The following LARGE1 variants were observed in gnomAD, a reference collection of about 807,000 sequenced individuals.
LARGE1 encodes xylosyl- and glucuronyltransferase LARGE1.
A neutral mutation model predicts 87.6 loss-of-function variants in LARGE1; 43 were observed. The ratio of observed to expected loss-of-function variants is 0.49; its 90% CI spans 0.38 to 0.63. LARGE1 has a LOEUF of 0.63. LARGE1 is among the 30% of genes least tolerant of loss of function. The pLI is 0.00. For synonymous variants in LARGE1, 434 were observed against 394.6 expected, an observed-to-expected ratio of 1.10 and a Z score of -1.18; for missense variants, 802 against 1,000.2, an observed-to-expected ratio of 0.80 and a Z score of 2.67.
intron 11 of LARGE1, among the ~76,000 whole-genome samples, chr22:33,193,886 ATATAT>A (rs1467821597): frequency 1.4e-5 from 2 of 147,478 alleles, no homozygotes; most frequent in East Asian, 3.9e-4. Flanking sequence ...ATAATGTTTT[ATATAT>A]TATATATGTT....
chr22:33,732,540 C>T (rs1175490045), intron 2 of LARGE1: 5 of 152,540 alleles, frequency 3.3e-5, no homozygotes, highest in Middle Eastern at 3.4e-3. Context: ...GAATATGAGG[C>T]CTCCTCTCCA....
At chr22:33,392,158 T>G (rs1030311135) in intron 7 of LARGE1, among the ~76,000 whole-genome samples, 2 of 151,942 alleles carry the variant, frequency 1.3e-5, no homozygotes, top group African/African-American at 4.8e-5. Context: ...CTTCTTTTTT[T>G]TTTTTTTTGT....
intron 9 of LARGE1, among the ~76,000 whole-genome samples, chr22:33,380,848 A>C (rs1466767881): frequency 1.3e-5 from 2 of 152,310 alleles, no homozygotes; most frequent in South Asian, 2.1e-4. Context: ...TGAGAGGCAA[A>C]AGCCCTTGCT....
chr22:33,425,361 C>T lies in LARGE1; in HGVS notation c.892+6800G>A, dbSNP rs553794768. Among the ~76,000 whole-genome samples the T allele has an allele frequency of 7.2e-5, 11 of 152,316 alleles. No individual in the cohort carries two copies. In the South Asian group the frequency reaches 2.3e-3, roughly 32 times the overall value. On this transcript the variant is annotated intron_variant, in intron 7 of 14. Transcript: ENST00000397394. ...CAATGAGAAGGTGTCCATGTGCAAA[C>T]AAGAAAGTAAGTCCTCACCACACAC... is the stretch of plus-strand genomic sequence containing the variant.
At chr22:33,358,842 CAAA>C (rs527879817) in intron 9 of LARGE1, among the ~76,000 whole-genome samples, 4 of 151,494 alleles carry the variant, frequency 2.6e-5, no homozygotes, top group African/African-American at 9.7e-5. Context: ...ACAACAACAA[CAAA>C]AAATTAGCCA....
intron 6 of LARGE1, among the ~76,000 whole-genome samples, chr22:33,499,193 G>C (rs1254421509): frequency 6.6e-6 from 1 of 152,128 alleles, no homozygotes; most frequent in African/African-American, 2.4e-5. Flanking sequence ...TGGAACCCAA[G>C]CCCAGGGCTT....
At chr22:33,066,776 C>T in the LARGE1 span, among the ~76,000 whole-genome samples, 1 of 152,182 alleles carries the variant, frequency 6.6e-6, no homozygotes, top group Non-Finnish European at 1.5e-5. Flanking sequence ...GCAACAGAAG[C>T]TAGACAACTG....
At chr22:33,801,162 G>A (rs146751394) in intron 1 of LARGE1, among the ~76,000 whole-genome samples, 46 of 152,144 alleles carry the variant, frequency 3.0e-4, no homozygotes, top group African/African-American at 1.0e-3. Flanking sequence ...CTTTTGCCTC[G>A]CACCATGATT....
the LARGE1 span, among the ~76,000 whole-genome samples, chr22:33,069,955 G>C: frequency 6.6e-6 from 1 of 151,858 alleles, no homozygotes; most frequent in Non-Finnish European, 1.5e-5. Flanking sequence ...CTCCCAAGTA[G>C]CTGGGATTAC....
intron 8 of LARGE1, among the ~76,000 whole-genome samples, chr22:33,383,877 G>A (rs539823860): frequency 1.4e-4 from 22 of 152,312 alleles, no homozygotes; most frequent in East Asian, 7.7e-4. Context: ...ATGAGTCTGC[G>A]TCAGTAGACG....
chr22:33,891,481 G>A (rs1005274272), intron 1 of LARGE1, among the ~76,000 whole-genome samples: 2 of 150,604 alleles, frequency 1.3e-5, no homozygotes, highest in Non-Finnish European at 2.9e-5. Flanking sequence ...CATTCTATTA[G>A]GAGAGACAGG....
chr22:33,080,184 G>A, the LARGE1 span, among the ~76,000 whole-genome samples: 1 of 152,210 alleles, frequency 6.6e-6, no homozygotes, highest in South Asian at 2.1e-4. Context: ...AATAATTATT[G>A]CAAGCACTTA....
chr22:33,752,463 T>A (rs944007476), intron 2 of LARGE1, among the ~76,000 whole-genome samples: 1 of 152,186 alleles, frequency 6.6e-6, no homozygotes, highest in Admixed American at 6.5e-5. Flanking sequence ...TCTGAACTTA[T>A]CTTTTCAGAA....
At chr22:33,222,324 G>A (rs1925495527) in intron 11 of LARGE1, among the ~76,000 whole-genome samples, 2 of 152,184 alleles carry the variant, frequency 1.3e-5, no homozygotes, top group African/African-American at 2.4e-5. Flanking sequence ...TTACCAGCAT[G>A]AGCCTGGGGT....
chr22:33,603,038 T>G (rs2079152952), intron 5 of LARGE1, among the ~76,000 whole-genome samples: 1 of 149,824 alleles, frequency 6.7e-6, no homozygotes, highest in South Asian at 2.2e-4. Flanking sequence ...TTTGCTAAAT[T>G]TTGTTTTTCC....
At chr22:33,568,658 C>T (rs749783103) in intron 5 of LARGE1, among the ~76,000 whole-genome samples, 2 of 149,710 alleles carry the variant, frequency 1.3e-5, no homozygotes, top group Non-Finnish European at 3.0e-5. Flanking sequence ...CCCAGCTACT[C>T]GGGAGGCTGA....
intron 11 of LARGE1, among the ~76,000 whole-genome samples, chr22:33,305,911 T>C (rs1403317301): frequency 6.8e-6 from 1 of 148,068 alleles, no homozygotes; most frequent in Non-Finnish European, 1.5e-5. Context: ...TGATCTCAGC[T>C]CACTGCAAGC....
At chr22:33,220,625 C>T (rs1925414075) in intron 11 of LARGE1, among the ~76,000 whole-genome samples, 1 of 152,218 alleles carries the variant, frequency 6.6e-6, no homozygotes, top group Non-Finnish European at 1.5e-5. Context: ...TCCTCTGAGC[C>T]TGGAACAGGT....
intron 5 of LARGE1, among the ~76,000 whole-genome samples, chr22:33,571,880 T>C (rs561390504): frequency 1.3e-5 from 2 of 152,286 alleles, no homozygotes; most frequent in African/African-American, 2.4e-5. Context: ...TTCACTCTTC[T>C]GATTTACTGC....
Sources: allele counts gnomAD v4.1 joint callset (sites outside exome capture counted in the v4.1 genomes callset), GRCh38; gene constraint gnomAD v4.1.1; transcripts MANE v1.5; gene names NCBI Gene and HGNC (gene_info 2026-07-23, HGNC 2026-07-21).